Variants in NUFIP1 observed in about 807,000 individuals in gnomAD.
NUFIP1 encodes the protein FMR1-interacting protein NUFIP1.
NUFIP1 carries 38 observed loss-of-function variants against 56.2 expected under a neutral mutation model. That is an observed-to-expected ratio of 0.68 (90% CI 0.52 to 0.89). The LOEUF is 0.89. Among genes scored for constraint, NUFIP1 ranks in the 40% least tolerant of loss-of-function variants. The pLI, the probability that NUFIP1 is intolerant of heterozygous loss-of-function variation, is 0.00. For synonymous variants in NUFIP1, 215 were observed against 212.4 expected, an observed-to-expected ratio of 1.01 and a Z score of -0.10; for missense variants, 567 against 605.8, an observed-to-expected ratio of 0.94 and a Z score of 0.67.
chr13:44,968,944 G>A (rs1353664444), intron 5 of NUFIP1, among the ~76,000 whole-genome samples: 1 of 152,092 alleles, frequency 6.6e-6, no homozygotes, highest in Non-Finnish European at 1.5e-5. Context: ...TTTGATGGAA[G>A]CCTTTTAAAA....
chr13:44,961,889 T>C (rs981679807), intron 6 of NUFIP1, among the ~76,000 whole-genome samples: 1 of 152,244 alleles, frequency 6.6e-6, no homozygotes, highest in Non-Finnish European at 1.5e-5. Context: ...CCTTCACTAA[T>C]GACATCTATA....
At chr13:44,959,239 C>T in intron 7 of NUFIP1, 142 bp downstream of exon 7, 1 of 745,730 alleles carries the variant, frequency 1.3e-6, no homozygotes, top group Non-Finnish European at 2.1e-6. Context: ...ACAAGATGCT[C>T]CTATTAAAAA....
intron 5 of NUFIP1, among the ~76,000 whole-genome samples, chr13:44,975,538 G>C (rs2137918663): frequency 6.6e-6 from 1 of 152,122 alleles, no homozygotes; most frequent in East Asian, 1.9e-4. Context: ...CATCCACCTA[G>C]TTCTCTCCAT....
In NUFIP1 at chr13:44,958,217, T is replaced by G. The variant is rs141482840; in HGVS notation, c.1021+1164A>C. Reference sequence around the variant, plus strand: ...GTTCAAATTCTCATTCTGCCACTAATGAGCAGAATGACTAAGATAAACTAT... The same window carrying G: ...GTTCAAATTCTCATTCTGCCACTAAGGAGCAGAATGACTAAGATAAACTAT... On this transcript the variant is annotated intron_variant, in intron 7 of 9. Transcript: ENST00000379161. 2.1e-3 allele frequency among the ~76,000 whole-genome samples: 326 copies of G among 152,326 alleles called. 1 individual carries two copies. Among genetic ancestry groups the G allele is most frequent in the African/African-American group, 7.5e-3 (311 of 41,566 alleles).
intron 5 of NUFIP1, among the ~76,000 whole-genome samples, chr13:44,966,312 C>CTTAT (rs912410694): frequency 2.6e-5 from 4 of 151,870 alleles, no homozygotes; most frequent in Non-Finnish European, 5.9e-5. Flanking sequence ...TTATTTCCTT[C>CTTAT]TTATTTATTT....
At chr13:44,949,956 C>A in intron 7 of NUFIP1, 118 bp from the exon 8 acceptor site, 1 of 723,750 alleles carries the variant, frequency 1.4e-6, no homozygotes, top group East Asian at 2.7e-5. Flanking sequence ...TTAATCTTTC[C>A]AAAAGACTAA....
At chr13:44,978,519 G>A (rs1872068166) in intron 5 of NUFIP1, among the ~76,000 whole-genome samples, 1 of 152,174 alleles carries the variant, frequency 6.6e-6, no homozygotes. Flanking sequence ...GTATAACAGT[G>A]CCCTAGTGGA....
In NUFIP1 at chr13:44,989,192, T is replaced by G. The variant is rs1872558924; in HGVS notation, c.245A>C (p.Asp82Ala). 6.2e-7 allele frequency: 1 copy of G among 1,611,648 alleles called. No individual in the cohort carries two copies. The highest frequency in any genetic ancestry group is 8.5e-7 in the Non-Finnish European group (1 of 1,178,954). The part of the protein sequence containing the change: ...QSLPGAPPPF[D>A]AQILPGAQPP... ...TTGCGCCCCGGGAAGAATCTGGGCG[T>G]CGAAGGGGGGCGGAGCCCCGGGGAG... Residue 82 changes from aspartate (D) to alanine (A), a missense_variant, in exon 1 of 10, where the codon GAC becomes GCC. By Grantham distance (126) the Asp-to-Ala change is moderately radical. Coordinates refer to ENST00000379161, the MANE Select transcript of NUFIP1 (RefSeq NM_012345.3).
intron 6 of NUFIP1, among the ~76,000 whole-genome samples, chr13:44,964,599 C>G (rs1020867341): frequency 1.3e-5 from 2 of 152,036 alleles, no homozygotes; most frequent in Non-Finnish European, 2.9e-5. Flanking sequence ...CAGGATGTAC[C>G]TGAGAGGAAA....
At chr13:44,973,397 CA>C (rs1871868942) in intron 5 of NUFIP1, among the ~76,000 whole-genome samples, 1 of 152,166 alleles carries the variant, frequency 6.6e-6, no homozygotes, top group Non-Finnish European at 1.5e-5. Flanking sequence ...AGATACAGCT[CA>C]AACATGATTT....
chr13:44,954,093 G>C (rs542650571), intron 7 of NUFIP1, among the ~76,000 whole-genome samples: 2 of 152,148 alleles, frequency 1.3e-5, no homozygotes, highest in African/African-American at 4.8e-5. Flanking sequence ...TATAGGTAAA[G>C]ACTATGCTGA....
intron 8 of NUFIP1, among the ~76,000 whole-genome samples, chr13:44,947,171 G>A (rs1169045638): frequency 5.9e-5 from 9 of 151,620 alleles, no homozygotes; most frequent in Admixed American, 2.0e-4. Flanking sequence ...TGGCTTCTTC[G>A]GACTTTTAAG....
intron 5 of NUFIP1, among the ~76,000 whole-genome samples, chr13:44,975,360 C>T (rs539268088): frequency 2.0e-4 from 31 of 152,200 alleles, no homozygotes; most frequent in South Asian, 6.2e-4. Flanking sequence ...CAACCCAATA[C>T]CTCCAAAGCC....
In NUFIP1 at chr13:44,965,943, A is replaced by T. The variant is rs1871584924; in HGVS notation, c.735-7T>A. 1 of 1,507,120 alleles carries T rather than the reference A, an allele frequency of 6.6e-7. No homozygotes were observed. Among genetic ancestry groups the T allele is most frequent in the African/African-American group, 1.4e-5 (1 of 70,828 alleles). The allele number at this position is 1,507,120 out of a possible 1,614,324, so 93.4% of individuals were successfully genotyped here. A position where few individuals can be genotyped will look rare whatever the true frequency, so the allele number is the denominator to read the frequency against. On this transcript the variant is annotated splice_region_variant and splice_polypyrimidine_tract_variant and intron_variant, in intron 5 of 9. Coordinates refer to ENST00000379161, the MANE Select transcript of NUFIP1 (RefSeq NM_012345.3). ...GGCCAGAGTTGGATAGTTTCTAGAA[A>T]ATAATAAAAGTTAATTATAATAGGG...
At chr13:44,947,431 G>A (rs928946234) in intron 8 of NUFIP1, among the ~76,000 whole-genome samples, 3 of 151,836 alleles carry the variant, frequency 2.0e-5, no homozygotes, top group African/African-American at 7.3e-5. Flanking sequence ...TAGAGATGGG[G>A]TTTCATCATG....
At chr13:44,965,965 A>C in intron 5 of NUFIP1, 29 bp from the exon 6 acceptor site, 1 of 1,330,994 alleles carries the variant, frequency 7.5e-7, no homozygotes, top group Non-Finnish European at 1.0e-6. Context: ...TAATTATAAT[A>C]GGGCTTTTAG....
intron 7 of NUFIP1, among the ~76,000 whole-genome samples, chr13:44,955,350 A>G (rs1329198583): frequency 1.3e-5 from 2 of 152,342 alleles, no homozygotes; most frequent in East Asian, 3.9e-4. Flanking sequence ...AATTACTGAG[A>G]GTACACATGG....
chr13:44,940,752 GGTTT>G lies in NUFIP1; in HGVS notation c.*450_*453del, dbSNP rs1234374381. On this transcript the variant is annotated 3_prime_UTR_variant, in exon 10 of 10. Coordinates refer to ENST00000379161, the MANE Select transcript of NUFIP1 (RefSeq NM_012345.3). ...CCTTCTGATTGTATTAATTTGATCTGGTTTATTTTTAAAATATTCCCCCTTGCTA... is the reference window on the plus strand; with the variant it reads ...CCTTCTGATTGTATTAATTTGATCTGATTTTTAAAATATTCCCCCTTGCTA... 6.6e-6 allele frequency: 1 copy of G among 152,530 alleles called. No homozygotes were observed. Among genetic ancestry groups the G allele is most frequent in the African/African-American group, 2.4e-5 (1 of 41,368 alleles). The allele number at this position is 152,530 out of a possible 1,614,324, so 9.4% of individuals were successfully genotyped here.
chr13:44,982,438 TC>T (rs369991235), intron 1 of NUFIP1, among the ~76,000 whole-genome samples: 53 of 152,290 alleles, frequency 3.5e-4, no homozygotes, highest in African/African-American at 1.3e-3. Context: ...TTCGGTTATT[TC>T]AAATATTAGA....
Sources: gnomAD v4.1 joint callset for allele counts (sites outside exome capture counted in the v4.1 genomes callset) on GRCh38, gnomAD v4.1.1 for gene constraint, MANE v1.5 for transcripts, NCBI Gene and HGNC (gene_info 2026-07-23, HGNC 2026-07-21) for gene names.